Variants in STPG2 observed in about 807,000 individuals in gnomAD.
STPG2 encodes the protein sperm-tail PG-rich repeat-containing protein 2.
In STPG2, 56 loss-of-function variants were observed where a neutral mutation model predicts 54.2. The observed-to-expected ratio is 1.03, with a 90% CI of 0.83 to 1.29. The LOEUF is 1.29. STPG2 is among the 50% of genes most tolerant of loss of function. The probability of loss-of-function intolerance (pLI) is 0.00; values close to 1 mark genes in which losing one functional copy is unlikely to be tolerated. For missense variants in STPG2, 596 were observed against 544.9 expected (o/e 1.09, Z -0.93); for synonymous variants, 200 against 181.8 (o/e 1.10, Z -0.81).
intron 4 of STPG2, among the ~76,000 whole-genome samples, chr4:97,497,774 TTAA>T (rs1309303918): frequency 2.6e-5 from 4 of 151,870 alleles, no homozygotes; most frequent in African/African-American, 9.7e-5. Context: ...TTTCAAAATA[TTAA>T]TAAGGAAAAC....
At chr4:98,006,010 T>G (rs1211563917) in intron 5 of STPG2, among the ~76,000 whole-genome samples, 2 of 152,180 alleles carry the variant, frequency 1.3e-5, no homozygotes, top group African/African-American at 4.8e-5. Context: ...TTTTCTTTGT[T>G]GAGAGGTTTT....
Position 97,476,358 on chromosome 4 carries a change from TAAA to T in STPG2, c.462+236338_462+236340del, listed in dbSNP as rs1730071087. On this transcript the variant is annotated intron_variant, in intron 4 of 4. Coordinates refer to the STPG2 transcript ENST00000522676. ...AATTTTCTAATTTGTTATTTTAACT[TAAA>T]AAATTTTTCTATATATAGCTTGTTC... Among the ~76,000 whole-genome samples the T allele has an allele frequency of 2.0e-5, 3 of 152,262 alleles. No homozygotes were observed. In the South Asian group the frequency reaches 6.2e-4, roughly 32 times the overall value.
chr4:97,783,927 G>T (rs1386682232), intron 9 of STPG2, among the ~76,000 whole-genome samples: 1 of 152,040 alleles, frequency 6.6e-6, no homozygotes, highest in East Asian at 1.9e-4. Context: ...ATGGGGTGGG[G>T]GGAGAGGGGA....
intron 8 of STPG2, among the ~76,000 whole-genome samples, chr4:97,893,604 A>T (rs1730850264): frequency 6.6e-6 from 1 of 152,084 alleles, no homozygotes; most frequent in Admixed American, 6.6e-5. Context: ...TCAATTTTCA[A>T]GAAATTTCTC....
intron 8 of STPG2, 89 bp downstream of exon 8, chr4:97,943,808 C>T: frequency 1.1e-6 from 1 of 944,224 alleles, no homozygotes; most frequent in Middle Eastern, 2.3e-4. Flanking sequence ...CCAGTTACCT[C>T]ACTCAGGTCC....
chr4:98,059,591 C>T (rs1737581925), intron 5 of STPG2, among the ~76,000 whole-genome samples: 1 of 146,438 alleles, frequency 6.8e-6, no homozygotes, highest in South Asian at 2.1e-4. Context: ...CTGGAAGAGA[C>T]ACAACAATGA....
At chr4:97,870,850 T>G (rs532006014) in intron 8 of STPG2, among the ~76,000 whole-genome samples, 8 of 151,258 alleles carry the variant, frequency 5.3e-5, no homozygotes, top group African/African-American at 1.9e-4. Context: ...AGCCTGATAC[T>G]CTAAAATACA....
intron 4 of STPG2, among the ~76,000 whole-genome samples, chr4:97,524,665 C>T (rs1004207700): frequency 2.0e-5 from 3 of 151,936 alleles, no homozygotes; most frequent in African/African-American, 7.2e-5. Flanking sequence ...TATCTTTCAT[C>T]TTACAGCAAT....
At chr4:97,608,601 C>T (rs1444840301) in intron 10 of STPG2, among the ~76,000 whole-genome samples, 3 of 151,990 alleles carry the variant, frequency 2.0e-5, no homozygotes, top group African/African-American at 7.2e-5. Flanking sequence ...CTCGGCTTTA[C>T]AAAAGCTGTA....
At chr4:98,038,576 A>T (rs2149305292) in intron 5 of STPG2, among the ~76,000 whole-genome samples, 1 of 152,164 alleles carries the variant, frequency 6.6e-6, no homozygotes, top group East Asian at 1.9e-4. Flanking sequence ...TGTTCCACAT[A>T]AATGTCAAAT....
At chr4:97,821,380 C>T (rs540154550) in intron 9 of STPG2, among the ~76,000 whole-genome samples, 1 of 152,272 alleles carries the variant, frequency 6.6e-6, no homozygotes, top group Non-Finnish European at 1.5e-5. Context: ...AGGATACAGC[C>T]CCTGCAACTA....
chr4:97,454,561 A>T (rs1487191367), intron 4 of STPG2, among the ~76,000 whole-genome samples: 13 of 141,724 alleles, frequency 9.2e-5, no homozygotes, highest in Admixed American at 9.1e-4. Flanking sequence ...AAAAAAAGAA[A>T]AGGGATTCAA....
intron 4 of STPG2, among the ~76,000 whole-genome samples, chr4:97,507,917 C>T (rs2148838284): frequency 6.6e-6 from 1 of 152,094 alleles, no homozygotes; most frequent in South Asian, 2.1e-4. Context: ...ATTACATAGG[C>T]ACAATTGATT....
At chr4:97,481,167 G>GA (rs1484212540) in intron 4 of STPG2, among the ~76,000 whole-genome samples, 10 of 151,396 alleles carry the variant, frequency 6.6e-5, no homozygotes, top group African/African-American at 2.4e-4. Flanking sequence ...ATTTTCTATT[G>GA]AATAACTTTA....
At chr4:98,080,982 C>G (rs940801713) in intron 5 of STPG2, among the ~76,000 whole-genome samples, 1 of 152,194 alleles carries the variant, frequency 6.6e-6, no homozygotes, top group African/African-American at 2.4e-5. Flanking sequence ...CCATCCTTAT[C>G]TAAATTTTAG....
In STPG2 at chr4:98,110,571, A is replaced by T. The variant is rs189804648; in HGVS notation, c.388-1266T>A. On this transcript the variant is annotated intron_variant, in intron 3 of 10. Transcript: ENST00000295268. ...GGGGACAAGTAATGCAAGACCCTGG[A>T]AGCATGCCAACATACAAAACCCAAA... is the stretch of plus-strand genomic sequence containing the variant. Among the ~76,000 whole-genome samples, 644 of 152,216 alleles carry T rather than the reference A, an allele frequency of 4.2e-3. 3 individuals carry two copies. Among genetic ancestry groups the T allele is most frequent in the South Asian group, 0.025 (120 of 4,826 alleles).
intron 4 of STPG2, among the ~76,000 whole-genome samples, chr4:97,551,609 G>T (rs535116668): frequency 3.9e-5 from 6 of 152,254 alleles, no homozygotes; most frequent in Admixed American, 3.9e-4. Flanking sequence ...TAGAACAAAA[G>T]AAATTTTCAT....
intron 4 of STPG2, among the ~76,000 whole-genome samples, chr4:97,545,158 T>G (rs1422541596): frequency 6.6e-6 from 1 of 152,122 alleles, no homozygotes; most frequent in East Asian, 1.9e-4. Flanking sequence ...CTTGGACAAC[T>G]AGGATTCAGC....
intron 4 of STPG2, among the ~76,000 whole-genome samples, chr4:97,458,815 T>C (rs1729588446): frequency 6.6e-6 from 1 of 152,156 alleles, no homozygotes; most frequent in Non-Finnish European, 1.5e-5. Flanking sequence ...TCAAAAAGGT[T>C]GATGTCCCTG....
Sources: allele counts gnomAD v4.1 joint callset (sites outside exome capture counted in the v4.1 genomes callset), GRCh38; gene constraint gnomAD v4.1.1; transcripts MANE v1.5; gene names NCBI Gene and HGNC (gene_info 2026-07-23, HGNC 2026-07-21).